STARD13: variants seen among roughly 807,000 people sequenced by gnomAD.
STARD13 encodes the protein StAR related lipid transfer domain containing 13.
In STARD13, 62 loss-of-function variants were observed where a neutral mutation model predicts 106.4. That is an observed-to-expected ratio of 0.58 (90% CI 0.48 to 0.72). The LOEUF (loss-of-function observed/expected upper bound fraction) is 0.72, where lower values mean the gene tolerates loss of function less well. STARD13 is among the 30% of genes least tolerant of loss of function. The probability of loss-of-function intolerance (pLI) is 0.00; values close to 1 mark genes in which losing one functional copy is unlikely to be tolerated. For missense variants in STARD13, 1,387 were observed against 1,424.0 expected, an observed-to-expected ratio of 0.97 and a Z score of 0.42; for synonymous variants, 565 against 553.0, an observed-to-expected ratio of 1.02 and a Z score of -0.31.
chr13:33,331,526 A>ATTTTTT lies in STARD13; in HGVS notation c.124+18758_124+18763dup, dbSNP rs35827468. On this transcript the variant is annotated intron_variant, in intron 1 of 5. Transcript: ENST00000567873. Reference sequence around the variant, plus strand: ...CGCCACCATGCCTGGCTGATTTTGTATTTTTTTTTTTTTTTTTTTAGTAGA... The same window carrying ATTTTTT: ...CGCCACCATGCCTGGCTGATTTTGTATTTTTTTTTTTTTTTTTTTTTTTTTAGTAGA... 6.2e-3 allele frequency among the ~76,000 whole-genome samples: 809 copies of ATTTTTT among 130,758 alleles called. 10 individuals are homozygous for ATTTTTT. The highest frequency in any genetic ancestry group is 0.02 in the African/African-American group (719 of 35,408). The allele number at this position is 130,758 out of a possible 152,430, so 85.8% of individuals were successfully genotyped here. A position where few individuals can be genotyped will look rare whatever the true frequency, so the allele number is the denominator to read the frequency against.
At chr13:33,274,616 C>T (rs1381740798) in intron 1 of STARD13, among the ~76,000 whole-genome samples, 2 of 152,096 alleles carry the variant, frequency 1.3e-5, no homozygotes, top group Non-Finnish European at 2.9e-5. Flanking sequence ...CTTTCCAGAA[C>T]CTCAGTTACA....
chr13:33,343,095 A>C (rs1447908268), intron 1 of STARD13, among the ~76,000 whole-genome samples: 1 of 152,134 alleles, frequency 6.6e-6, no homozygotes, highest in African/African-American at 2.4e-5. Flanking sequence ...TTACTTTTGG[A>C]TGTCTAGTAG....
the STARD13 span, among the ~76,000 whole-genome samples, chr13:33,474,480 G>A: frequency 2.6e-5 from 4 of 152,166 alleles, no homozygotes; most frequent in Admixed American, 2.0e-4. Context: ...GTGTCTGGAT[G>A]TTCCATATTA....
chr13:33,661,769 G>A, the STARD13 span, among the ~76,000 whole-genome samples: 5 of 152,174 alleles, frequency 3.3e-5, no homozygotes, highest in East Asian at 9.7e-4. Flanking sequence ...CATGGGGATT[G>A]TTACAATTCA....
At chr13:33,308,900 T>C (rs538451171) in intron 1 of STARD13, among the ~76,000 whole-genome samples, 1 of 152,332 alleles carries the variant, frequency 6.6e-6, no homozygotes, top group South Asian at 2.1e-4. Flanking sequence ...TCCCATAGCA[T>C]ACCTGATCAT....
chr13:33,218,825 T>A (rs904098570), intron 1 of STARD13, among the ~76,000 whole-genome samples: 27 of 152,196 alleles, frequency 1.8e-4, no homozygotes, highest in African/African-American at 6.5e-4. Flanking sequence ...GATTTTGATA[T>A]TAAAAAGACA....
chr13:33,276,058 T>C (rs1356948118), intron 1 of STARD13: 3 of 152,220 alleles, frequency 2.0e-5, no homozygotes, highest in African/African-American at 4.8e-5. Context: ...TTGCCAAGAT[T>C]TTTTCCTCCT....
At chr13:33,655,074 A>G in the STARD13 span, among the ~76,000 whole-genome samples, 56 of 152,372 alleles carry the variant, frequency 3.7e-4, no homozygotes, top group South Asian at 0.011. Context: ...AATGCTTTAG[A>G]AATACAAGCT....
chr13:33,462,661 T>C, the STARD13 span, among the ~76,000 whole-genome samples: 3 of 152,224 alleles, frequency 2.0e-5, no homozygotes, highest in Non-Finnish European at 4.4e-5. Flanking sequence ...GCTGAAGGGC[T>C]TGGAGTCTGA....
the STARD13 span, among the ~76,000 whole-genome samples, chr13:33,567,206 CA>C: frequency 2.0e-5 from 3 of 148,462 alleles, no homozygotes; most frequent in African/African-American, 4.9e-5. Context: ...TTTTTTGTCT[CA>C]AATTCATAAC....
the STARD13 span, among the ~76,000 whole-genome samples, chr13:33,360,725 G>GAATCCTTCTGTGT: frequency 4.4e-5 from 6 of 137,730 alleles, no homozygotes; most frequent in East Asian, 2.4e-4. Flanking sequence ...TAGACAGAAG[G>GAATCCTTCTGTGT]ACATATTGTT....
At chr13:33,287,858 G>A (rs1182495821), upstream of STARD13, among the ~76,000 whole-genome samples, 4 of 152,088 alleles carry the variant, frequency 2.6e-5, no homozygotes, top group Admixed American at 1.3e-4. Flanking sequence ...AGGGGAGCAT[G>A]GGACTTGAGA....
intron 1 of STARD13, among the ~76,000 whole-genome samples, chr13:33,262,168 A>G (rs1198131008): frequency 1.3e-5 from 2 of 152,222 alleles, no homozygotes; most frequent in Non-Finnish European, 2.9e-5. Context: ...AGACTCATTT[A>G]TCCAAGGCCG....
the STARD13 span, among the ~76,000 whole-genome samples, chr13:33,510,546 T>A: frequency 6.6e-6 from 1 of 152,176 alleles, no homozygotes; most frequent in Non-Finnish European, 1.5e-5. Flanking sequence ...CTGGATTTCT[T>A]CATTCATGGT....
chr13:33,260,248 A>C (rs1045345416), intron 1 of STARD13, among the ~76,000 whole-genome samples: 1 of 152,124 alleles, frequency 6.6e-6, no homozygotes, highest in African/African-American at 2.4e-5. Context: ...AAAACATACA[A>C]AGGATTTCAA....
At chr13:33,240,941 C>T (rs2138246710) in intron 1 of STARD13, among the ~76,000 whole-genome samples, 1 of 151,434 alleles carries the variant, frequency 6.6e-6, no homozygotes, top group East Asian at 1.9e-4. Flanking sequence ...GCTGAATTTG[C>T]TTATTAGTTC....
At chr13:33,640,142 C>CA in the STARD13 span, among the ~76,000 whole-genome samples, 1 of 152,180 alleles carries the variant, frequency 6.6e-6, no homozygotes, top group Non-Finnish European at 1.5e-5. Flanking sequence ...AACAGGCCCA[C>CA]AAGGGTGTCA....
chr13:33,267,688 A>G (rs1890964753), intron 1 of STARD13, among the ~76,000 whole-genome samples: 1 of 152,238 alleles, frequency 6.6e-6, no homozygotes, highest in South Asian at 2.1e-4. Context: ...CATTTTCTGT[A>G]AGCCAGTGGA....
chr13:33,319,253 T>C (rs182435320), intron 1 of STARD13, among the ~76,000 whole-genome samples: 3 of 152,322 alleles, frequency 2.0e-5, no homozygotes, highest in Admixed American at 6.5e-5. Context: ...ACAATATGGA[T>C]GGACCTTGAA....
Sources: allele counts gnomAD v4.1 joint callset (sites outside exome capture counted in the v4.1 genomes callset), GRCh38; gene constraint gnomAD v4.1.1; transcripts MANE v1.5; gene names NCBI Gene and HGNC (gene_info 2026-07-23, HGNC 2026-07-21).